Variants in SLC7A14 observed in about 807,000 individuals in gnomAD.
SLC7A14 encodes the protein solute carrier family 7 member 14, also known as gamma-aminobutyric acid transporter SLC7A14.
In SLC7A14, 37 loss-of-function variants were observed where a neutral mutation model predicts 60.2. The ratio of observed to expected loss-of-function variants is 0.61; its 90% CI spans 0.47 to 0.81. The LOEUF (loss-of-function observed/expected upper bound fraction) is 0.81. Among genes scored for constraint, SLC7A14 ranks in the 30% least tolerant of loss-of-function variants. The pLI, the probability that SLC7A14 is intolerant of heterozygous loss-of-function variation, is 0.00. For missense variants in SLC7A14, 886 were observed against 982.7 expected, an observed-to-expected ratio of 0.90 and a Z score of 1.32; for synonymous variants, 399 against 395.8, an observed-to-expected ratio of 1.01 and a Z score of -0.10.
chr3:170,528,473 A>G (rs1290196302), intron 1 of SLC7A14, among the ~76,000 whole-genome samples: 1 of 152,222 alleles, frequency 6.6e-6, no homozygotes, highest in East Asian at 1.9e-4. Context: ...TTATATAATC[A>G]GTAAGTACCT....
intron 2 of SLC7A14, among the ~76,000 whole-genome samples, chr3:170,510,405 T>G (rs67783502): frequency 7.7e-6 from 1 of 129,772 alleles, no homozygotes; most frequent in African/African-American, 2.9e-5. Flanking sequence ...AAAAAATAAA[T>G]AAATAAATAA....
intron 1 of SLC7A14, among the ~76,000 whole-genome samples, chr3:170,529,665 C>T (rs1294115249): frequency 2.0e-5 from 3 of 152,128 alleles, no homozygotes; most frequent in African/African-American, 4.8e-5. Flanking sequence ...TCATGGCCCC[C>T]CCAAATTAGA....
intron 2 of SLC7A14, among the ~76,000 whole-genome samples, chr3:170,521,347 T>C (rs1408841972): frequency 6.6e-6 from 1 of 152,232 alleles, no homozygotes; most frequent in African/African-American, 2.4e-5. Flanking sequence ...TCTCTTAAGA[T>C]TGTGCTGTCC....
At chr3:170,519,756 G>T (rs1380256420) in intron 2 of SLC7A14, among the ~76,000 whole-genome samples, 2 of 152,178 alleles carry the variant, frequency 1.3e-5, no homozygotes, top group Non-Finnish European at 2.9e-5. Flanking sequence ...AGCCTGGGCA[G>T]CGGAGCAAGA....
At chr3:170,564,332 C>A (rs1012761172) in intron 1 of SLC7A14, among the ~76,000 whole-genome samples, 2 of 152,216 alleles carry the variant, frequency 1.3e-5, no homozygotes, top group Admixed American at 6.5e-5. Flanking sequence ...CTGCTGGTCC[C>A]TTGCTCGCTG....
intron 1 of SLC7A14, among the ~76,000 whole-genome samples, chr3:170,553,217 A>G (rs1714397098): frequency 1.3e-5 from 2 of 152,178 alleles, no homozygotes; most frequent in South Asian, 4.1e-4. Flanking sequence ...AATCCCAAGC[A>G]CAGTGCCTAG....
chr3:170,559,563 C>T (rs1007507908), intron 1 of SLC7A14, among the ~76,000 whole-genome samples: 3 of 152,078 alleles, frequency 2.0e-5, no homozygotes, highest in African/African-American at 7.2e-5. Context: ...TTTATTTTCA[C>T]CCTCGAACAC....
intron 6 of SLC7A14, among the ~76,000 whole-genome samples, chr3:170,482,354 C>T (rs1040127962): frequency 5.3e-5 from 8 of 152,222 alleles, no homozygotes; most frequent in Admixed American, 1.3e-4. Flanking sequence ...ATCTGTTCGG[C>T]AACCTAATCA....
At chr3:170,493,763 A>AAATAACAG (rs1339825822) in intron 4 of SLC7A14, among the ~76,000 whole-genome samples, 1 of 152,186 alleles carries the variant, frequency 6.6e-6, no homozygotes, top group Non-Finnish European at 1.5e-5. Context: ...CAAAGTTGAG[A>AAATAACAG]AATAACAGGT....
At position 170,461,437 on chromosome 3, in the gene SLC7A14, G is replaced by A. The variant is rs1739601384; in HGVS notation, c.*5618C>T. ...ACTCAAGCAGGACAAGAAGAGGAAAGCATTTTAAAAAGGAAGTTGCTCTTA... is the reference window on the plus strand; with the variant it reads ...ACTCAAGCAGGACAAGAAGAGGAAAACATTTTAAAAAGGAAGTTGCTCTTA... On this transcript the variant is annotated 3_prime_UTR_variant, in exon 8 of 8. Coordinates refer to ENST00000231706, the MANE Select transcript of SLC7A14 (RefSeq NM_020949.3). 1 of 151,704 alleles carries A rather than the reference G, an allele frequency of 6.6e-6. No homozygotes were observed. Among genetic ancestry groups the A allele is most frequent in the Admixed American group, 6.6e-5 (1 of 15,252 alleles). 9.4% of individuals were successfully genotyped at this position (151,704 alleles called of 1,614,324 possible). A position where few individuals can be genotyped will look rare whatever the true frequency, so the allele number is the denominator to read the frequency against.
intron 7 of SLC7A14, among the ~76,000 whole-genome samples, chr3:170,469,085 A>C (rs1739805476): frequency 6.6e-6 from 1 of 152,174 alleles, no homozygotes; most frequent in East Asian, 1.9e-4. Context: ...ACTATGGCCT[A>C]GGCACTGGGG....
chr3:170,583,016 C>T (rs1715276592), intron 1 of SLC7A14, among the ~76,000 whole-genome samples: 1 of 152,166 alleles, frequency 6.6e-6, no homozygotes, highest in Non-Finnish European at 1.5e-5. Context: ...TCACATAGTG[C>T]CTCACATATG....
At chr3:170,499,236 CAAAAAAAAAAAA>C (rs11336080) in intron 3 of SLC7A14, among the ~76,000 whole-genome samples, 103 of 59,928 alleles carry the variant, frequency 1.7e-3, no homozygotes, top group African/African-American at 6.2e-4. Context: ...GACTCTGTCT[CAAAAAAAAAAAA>C]AAAAAAAAAA....
chr3:170,562,025 A>G (rs549848392), intron 1 of SLC7A14, among the ~76,000 whole-genome samples: 1 of 152,340 alleles, frequency 6.6e-6, no homozygotes, highest in East Asian at 1.9e-4. Flanking sequence ...AAAAGGAAAC[A>G]CTTTTACACT....
intron 2 of SLC7A14, among the ~76,000 whole-genome samples, chr3:170,525,932 G>C (rs1486132566): frequency 6.6e-6 from 1 of 152,150 alleles, no homozygotes; most frequent in Admixed American, 6.5e-5. Flanking sequence ...TTAGCCAGGC[G>C]TTGTGGTACG....
intron 1 of SLC7A14, among the ~76,000 whole-genome samples, chr3:170,584,793 A>AG (rs1560288326): frequency 6.6e-6 from 1 of 151,972 alleles, no homozygotes; most frequent in Admixed American, 6.6e-5. Context: ...CCCTATACCT[A>AG]GGGGGAGGCA....
At chr3:170,487,156 C>T (rs1048305457) in intron 4 of SLC7A14, among the ~76,000 whole-genome samples, 5 of 138,074 alleles carry the variant, frequency 3.6e-5, no homozygotes, top group Non-Finnish European at 6.2e-5. Flanking sequence ...GGGATGGTAT[C>T]CGCTCACATC....
Position 170,532,283 on chromosome 3 carries a change from G to A in SLC7A14, c.-152-5195C>T, listed in dbSNP as rs1265412045. ...GAGTAAACGTTGCCTGGTTTTCTGA[G>A]CCCCACCTGGTGACTGTGGGATCTG... On this transcript the variant is annotated intron_variant, in intron 1 of 7. Coordinates refer to ENST00000231706, the MANE Select transcript of SLC7A14 (RefSeq NM_020949.3). This position sits in a 1 kb window ranked among gnomAD's most constrained non-coding sequence, Gnocchi z 4.0. Among the ~76,000 whole-genome samples the A allele has an allele frequency of 2.6e-5, 4 of 152,088 alleles. No homozygotes were observed. Among genetic ancestry groups the A allele is most frequent in the Non-Finnish European group, 5.9e-5 (4 of 68,018 alleles).
rs975138869 is a variant in SLC7A14 at position 170,585,947 on chromosome 3, G to A, written c.-189C>T. On this transcript the variant is annotated 5_prime_UTR_variant, in exon 1 of 8. Transcript: ENST00000231706. This position sits in a 1 kb window ranked among gnomAD's most constrained non-coding sequence, Gnocchi z 5.1. Reference sequence around the variant, plus strand: ...CTGGAGGCGACGAGCTGGCTGCCAAGGCTGGTGGCTGGCAGTCCGCACTTA... The same window carrying A: ...CTGGAGGCGACGAGCTGGCTGCCAAAGCTGGTGGCTGGCAGTCCGCACTTA... 2 of 152,894 alleles carry A rather than the reference G, an allele frequency of 1.3e-5. No individual in the cohort carries two copies. Among genetic ancestry groups the A allele is most frequent in the East Asian group, 1.9e-4 (1 of 5,212 alleles). The allele number at this position is 152,894 out of a possible 1,614,324, so 9.5% of individuals were successfully genotyped here.
Sources: gnomAD v4.1 joint callset for allele counts (sites outside exome capture counted in the v4.1 genomes callset) on GRCh38, gnomAD v4.1.1 for gene constraint, Gnocchi (gnomAD v3.1) non-coding constraint, MANE v1.5 for transcripts, NCBI Gene and HGNC (gene_info 2026-07-23, HGNC 2026-07-21) for gene names.